KCND2: variants seen among roughly 807,000 people sequenced by gnomAD.
KCND2 encodes the protein A-type voltage-gated potassium channel KCND2.
A neutral mutation model predicts 54.4 loss-of-function variants in KCND2; 16 were observed. That is an observed-to-expected ratio of 0.29 (90% CI 0.20 to 0.45). KCND2 has a LOEUF of 0.45. Ranked by LOEUF, KCND2 falls within the 20% of genes least tolerant of loss-of-function variation. KCND2 has a pLI of 1.00. For synonymous variants in KCND2, 317 were observed against 310.7 expected (o/e 1.02, Z -0.21); for missense variants, 486 against 824.2 (o/e 0.59, Z 5.02).
chr7:120,374,566 G>C (rs954216457), intron 1 of KCND2, among the ~76,000 whole-genome samples: 3 of 151,738 alleles, frequency 2.0e-5, no homozygotes, highest in African/African-American at 2.4e-5. Context: ...TGCCAACCAG[G>C]TAAGCGTCTT....
intron 1 of KCND2, among the ~76,000 whole-genome samples, chr7:120,447,719 T>A: frequency 6.6e-6 from 1 of 152,338 alleles, no homozygotes; most frequent in Non-Finnish European, 1.5e-5. Context: ...AAATATGACA[T>A]TTTATTTATT....
chr7:120,636,336 G>T (rs1053897328), intron 1 of KCND2, among the ~76,000 whole-genome samples: 13 of 152,110 alleles, frequency 8.5e-5, no homozygotes, highest in Middle Eastern at 3.4e-3. Flanking sequence ...AAGAACTTGA[G>T]CTAGTTGCAA....
intron 1 of KCND2, among the ~76,000 whole-genome samples, chr7:120,385,850 C>T (rs1800980369): frequency 6.6e-6 from 1 of 152,124 alleles, no homozygotes; most frequent in Non-Finnish European, 1.5e-5. Flanking sequence ...TTGGCTTATG[C>T]ATTGGTTTCC....
chr7:120,418,877 A>G (rs1027366025), intron 1 of KCND2, among the ~76,000 whole-genome samples: 2 of 152,170 alleles, frequency 1.3e-5, no homozygotes, highest in Non-Finnish European at 2.9e-5. Flanking sequence ...TATTTTAACT[A>G]TTGCTGGAAC....
At chr7:120,497,554 A>C (rs147009357) in intron 1 of KCND2, among the ~76,000 whole-genome samples, 1 of 152,350 alleles carries the variant, frequency 6.6e-6, no homozygotes, top group East Asian at 1.9e-4. Context: ...GCTCTGCTCC[A>C]TAAAGTGCTG....
At chr7:120,586,823 C>T (rs1410866772) in intron 1 of KCND2, among the ~76,000 whole-genome samples, 1 of 152,084 alleles carries the variant, frequency 6.6e-6, no homozygotes, top group Non-Finnish European at 1.5e-5. Context: ...TAGACTAGAA[C>T]TACCCTTACT....
chr7:120,479,155 C>G (rs970843357), intron 1 of KCND2, among the ~76,000 whole-genome samples: 59 of 152,154 alleles, frequency 3.9e-4, no homozygotes, highest in East Asian at 1.5e-3. Context: ...ATGCTTATAG[C>G]CTCATCAGCT....
chr7:120,387,293 T>C (rs1801003940), intron 1 of KCND2, among the ~76,000 whole-genome samples: 1 of 152,188 alleles, frequency 6.6e-6, no homozygotes, highest in Admixed American at 6.6e-5. Flanking sequence ...CATAAAAATA[T>C]TTTGGTATAA....
intron 1 of KCND2, among the ~76,000 whole-genome samples, chr7:120,489,452 C>T (rs1269305913): frequency 6.6e-6 from 1 of 152,146 alleles, no homozygotes; most frequent in African/African-American, 2.4e-5. Flanking sequence ...TGTTAAGCCA[C>T]AACTTCTAAC....
intron 1 of KCND2, among the ~76,000 whole-genome samples, chr7:120,455,110 T>TA (rs1258849202): frequency 2.0e-5 from 3 of 152,056 alleles, no homozygotes; most frequent in African/African-American, 7.2e-5. Flanking sequence ...CAAACTGCCC[T>TA]AAAAAATTTA....
intron 1 of KCND2, among the ~76,000 whole-genome samples, chr7:120,596,878 A>G (rs1011446508): frequency 2.0e-5 from 3 of 152,212 alleles, no homozygotes; most frequent in African/African-American, 7.2e-5. Flanking sequence ...AAAGATAAAT[A>G]ATCCTCGTTA....
intron 1 of KCND2, among the ~76,000 whole-genome samples, chr7:120,573,619 T>C (rs1792392642): frequency 6.6e-6 from 1 of 152,170 alleles, no homozygotes; most frequent in Non-Finnish European, 1.5e-5. Context: ...GTTTGGGAAA[T>C]AGATCTTCAG....
At chr7:120,334,410 A>G (rs114012682) in intron 1 of KCND2, among the ~76,000 whole-genome samples, 312 of 152,170 alleles carry the variant, frequency 2.1e-3, no homozygotes, top group African/African-American at 7.0e-3. Context: ...GAATTGCTTT[A>G]TTTTTCTAAT....
chr7:120,671,268 G>C (rs1447871985), intron 1 of KCND2, among the ~76,000 whole-genome samples: 1 of 152,022 alleles, frequency 6.6e-6, no homozygotes, highest in Non-Finnish European at 1.5e-5. Flanking sequence ...ATGCAACCTA[G>C]ATCCCTTGCA....
chr7:120,533,740 A>G (rs1220742017), intron 1 of KCND2, among the ~76,000 whole-genome samples: 1 of 152,126 alleles, frequency 6.6e-6, no homozygotes, highest in Non-Finnish European at 1.5e-5. Context: ...TGACACATAA[A>G]TGATTCCACA....
intron 1 of KCND2, among the ~76,000 whole-genome samples, chr7:120,628,097 CTTTT>C (rs1293081038): frequency 6.6e-6 from 1 of 151,994 alleles, no homozygotes; most frequent in Admixed American, 6.5e-5. Context: ...AATATAATAG[CTTTT>C]TTGTTTTTAA....
chr7:120,731,880 G>A (rs1431982980), intron 1 of KCND2, among the ~76,000 whole-genome samples: 1 of 152,158 alleles, frequency 6.6e-6, no homozygotes, highest in Non-Finnish European at 1.5e-5. Context: ...ACTGCATGGT[G>A]GTGATTATGT....
chr7:120,288,776 A>G (rs950531383), intron 1 of KCND2, among the ~76,000 whole-genome samples: 1 of 152,064 alleles, frequency 6.6e-6, no homozygotes, highest in Non-Finnish European at 1.5e-5. Flanking sequence ...AAAAGATGAA[A>G]CCTATAGTCA....
chr7:120,506,825 C>G (rs575542988), intron 1 of KCND2, among the ~76,000 whole-genome samples: 3 of 151,720 alleles, frequency 2.0e-5, no homozygotes, highest in Non-Finnish European at 2.9e-5. Flanking sequence ...GAATTTTTTT[C>G]ACAATAGAAT....
Sources: allele counts gnomAD v4.1 joint callset (sites outside exome capture counted in the v4.1 genomes callset), GRCh38; gene constraint gnomAD v4.1.1; transcripts MANE v1.5; gene names NCBI Gene and HGNC (gene_info 2026-07-23, HGNC 2026-07-21).